The following CLEC16A variants were observed in gnomAD, a reference collection of about 807,000 sequenced individuals.
The protein encoded by CLEC16A is protein CLEC16A.
Under a neutral mutation model 109.5 loss-of-function variants are expected in CLEC16A, and 51 were observed. That is an observed-to-expected ratio of 0.47 (90% CI 0.37 to 0.59). The LOEUF (loss-of-function observed/expected upper bound fraction) is 0.59. CLEC16A is among the 20% of genes least tolerant of loss of function. CLEC16A has a pLI of 0.00. For synonymous variants in CLEC16A, 673 were observed against 564.2 expected, an observed-to-expected ratio of 1.19 and a Z score of -2.73; for missense variants, 1,339 against 1,394.0, an observed-to-expected ratio of 0.96 and a Z score of 0.63.
At chr16:11,035,386 G>T (rs71381188) in intron 13 of CLEC16A, among the ~76,000 whole-genome samples, 24,063 of 152,086 alleles carry the variant, frequency 0.16, 2,386 homozygotes, top group South Asian at 0.23. Flanking sequence ...AATTAATTCA[G>T]CAAAAATGTA....
chr16:11,007,263 G>C (rs2045083258), intron 11 of CLEC16A, among the ~76,000 whole-genome samples: 1 of 152,154 alleles, frequency 6.6e-6, no homozygotes. Flanking sequence ...GAACCTGCCA[G>C]GTTAGCTGGG....
At chr16:11,081,358 C>T (rs866239761) in intron 19 of CLEC16A, among the ~76,000 whole-genome samples, 4 of 152,298 alleles carry the variant, frequency 2.6e-5, no homozygotes, top group East Asian at 1.9e-4. Context: ...GGTCTGAGCC[C>T]GCTGATGTTC....
At position 11,166,445 on chromosome 16, in the gene CLEC16A, C is replaced by T. The variant is rs1567412443; in HGVS notation, c.2699C>T (p.Ser900Leu). The T allele has an allele frequency of 2.5e-6, 4 of 1,607,182 alleles. No homozygotes were observed. The highest frequency in any genetic ancestry group is 1.7e-5 in the Admixed American group (1 of 59,966). The part of the protein sequence containing the change: ...QHSSPSLSSQ[S>L]PPSASGSPSG... ...AGCTCCCCGTCCCTGTCCTCACAGT[C>T]GCCACCCTCCGCCAGCGGGAGCCCC... Residue 900 changes from serine (S) to leucine (L), a missense_variant, in exon 23 of 24, where the codon TCG becomes TTG. By Grantham distance (145) the Ser-to-Leu change is moderately radical. Transcript: ENST00000409790.
In CLEC16A at chr16:10,977,544, T is replaced by G; in HGVS notation, c.903+145T>G. The G allele has an allele frequency of 3.6e-6, 3 of 826,388 alleles. No homozygotes were observed. The South Asian group carries it at 5.5e-5, about 15-fold the overall frequency. 51.2% of individuals were successfully genotyped at this position (826,388 alleles called of 1,614,324 possible). On this transcript the variant is annotated intron_variant, in intron 8 of 23. Coordinates refer to ENST00000409790, the MANE Select transcript of CLEC16A (RefSeq NM_015226.3). ...TGTTTGTTTTTAAAAGACGGAGTTTTGCTCTTTTACCCAGGCTGGAGTGCA... is the reference window on the plus strand; with the variant it reads ...TGTTTGTTTTTAAAAGACGGAGTTTGGCTCTTTTACCCAGGCTGGAGTGCA...
At position 11,137,327 on chromosome 16, in the gene CLEC16A, C is replaced by T. The variant is rs2053615080; in HGVS notation, c.2641+11181C>T. The stretch of plus-strand genomic sequence containing the variant: ...AACGAAAAATTCCTAGCCCTTAATT[C>T]TGTATGTAAGTTGATAAAAGTCCAT... On this transcript the variant is annotated intron_variant, in intron 22 of 23. Coordinates refer to ENST00000409790, the MANE Select transcript of CLEC16A (RefSeq NM_015226.3). Among the ~76,000 whole-genome samples the T allele has an allele frequency of 2.0e-5, 3 of 151,974 alleles. No homozygotes were observed. In the South Asian group the frequency reaches 6.2e-4, roughly 32 times the overall value.
chr16:11,026,011 C>T (rs987741904), intron 13 of CLEC16A, among the ~76,000 whole-genome samples: 3 of 152,204 alleles, frequency 2.0e-5, no homozygotes, highest in African/African-American at 7.2e-5. Flanking sequence ...CTCACATCAT[C>T]ATATTTCAGC....
chr16:11,063,588 G>T (rs529815963), intron 19 of CLEC16A, among the ~76,000 whole-genome samples: 1 of 152,194 alleles, frequency 6.6e-6, no homozygotes, highest in East Asian at 1.9e-4. Flanking sequence ...GGAAGAGGTG[G>T]CGTAAAGTGT....
chr16:11,005,257 G>T (rs2044928331), intron 11 of CLEC16A, among the ~76,000 whole-genome samples: 1 of 152,160 alleles, frequency 6.6e-6, no homozygotes, highest in Non-Finnish European at 1.5e-5. Context: ...AGTTCTGCAG[G>T]CTGCTGTTTC....
chr16:11,067,189 G>GTTTTTTTTTT (rs71406205), intron 19 of CLEC16A, among the ~76,000 whole-genome samples: 8 of 98,962 alleles, frequency 8.1e-5, no homozygotes, highest in African/African-American at 1.6e-4. Flanking sequence ...GTTTGTTTTT[G>GTTTTTTTTTT]TTTTTTTTTT....
intron 4 of CLEC16A, among the ~76,000 whole-genome samples, chr16:10,970,723 C>T (rs2042740126): frequency 6.6e-6 from 1 of 152,230 alleles, no homozygotes; most frequent in African/African-American, 2.4e-5. Flanking sequence ...GTGATTACTA[C>T]TACTACCACT....
At chr16:11,031,440 C>T (rs942740721) in intron 13 of CLEC16A, among the ~76,000 whole-genome samples, 3 of 152,182 alleles carry the variant, frequency 2.0e-5, no homozygotes, top group South Asian at 2.1e-4. Context: ...CCATCTTATG[C>T]GCTGGAGAGA....
At chr16:10,988,604 G>T (rs2043810894) in intron 10 of CLEC16A, among the ~76,000 whole-genome samples, 1 of 152,188 alleles carries the variant, frequency 6.6e-6, no homozygotes, top group South Asian at 2.1e-4. Flanking sequence ...CCCCTTGAAT[G>T]CCGCCTTCTC....
intron 19 of CLEC16A, among the ~76,000 whole-genome samples, chr16:11,116,502 T>C (rs1002588427): frequency 2.0e-5 from 3 of 151,786 alleles, no homozygotes; most frequent in Non-Finnish European, 4.4e-5. Flanking sequence ...CTGGAGAGAA[T>C]AGAGGGAAAC....
intron 13 of CLEC16A, chr16:11,027,467 C>T (rs2046476252): frequency 6.3e-7 from 1 of 1,580,058 alleles, no homozygotes; most frequent in Admixed American, 1.7e-5. Context: ...TGAAGTCTGT[C>T]CGAGAACTCA....
chr16:11,108,967 C>T (rs1444146893), intron 19 of CLEC16A, among the ~76,000 whole-genome samples: 1 of 151,844 alleles, frequency 6.6e-6, no homozygotes, highest in African/African-American at 2.4e-5. Flanking sequence ...ACAAATTAGC[C>T]AGGCGTGGTG....
intron 23 of CLEC16A, among the ~76,000 whole-genome samples, 169 bp downstream of exon 23, chr16:11,166,721 C>T (rs895866632): frequency 9.9e-5 from 15 of 152,230 alleles, no homozygotes; most frequent in Admixed American, 6.5e-5. Flanking sequence ...ACTTGATGTT[C>T]CCTCCCAGGC....
chr16:11,051,600 G>A lies in CLEC16A; in HGVS notation c.1954G>A (p.Val652Met), dbSNP rs200827060. The stretch of plus-strand genomic sequence containing the variant: ...CACGCCACTGACGGGCATTGACTTC[G>A]TGAAGCGGCTGCCGTGTGGCGATGT... The part of the protein sequence containing the change: ...TGTPLTGIDF[V>M]KRLPCGDVEK... Residue 652 changes from valine (V) to methionine (M), a missense_variant, in exon 18 of 24, where the codon GTG (valine) becomes ATG (methionine). Val to Met is a conservative substitution (Grantham distance 21, BLOSUM62 1). Coordinates refer to ENST00000409790, the MANE Select transcript of CLEC16A (RefSeq NM_015226.3). The A allele has an allele frequency of 5.1e-5, 82 of 1,613,896 alleles. 1 individual carries two copies. Among genetic ancestry groups the A allele is most frequent in the Middle Eastern group, 4.9e-4 (3 of 6,084 alleles).
intron 1 of CLEC16A, among the ~76,000 whole-genome samples, chr16:10,948,819 T>G (rs2041569383): frequency 6.6e-6 from 1 of 152,210 alleles, no homozygotes; most frequent in Non-Finnish European, 1.5e-5. Context: ...ACCTTTTTCC[T>G]GTTGGTGTCA....
intron 1 of CLEC16A, among the ~76,000 whole-genome samples, chr16:10,950,907 T>G (rs1309786801): frequency 6.6e-6 from 1 of 152,210 alleles, no homozygotes; most frequent in Non-Finnish European, 1.5e-5. Context: ...TTTCAAAATC[T>G]TGAAGGAGGA....
Sources: gnomAD v4.1 joint callset for allele counts (sites outside exome capture counted in the v4.1 genomes callset) on GRCh38, gnomAD v4.1.1 for gene constraint, MANE v1.5 for transcripts, NCBI Gene and HGNC (gene_info 2026-07-23, HGNC 2026-07-21) for gene names.